RYR3: variants seen among roughly 807,000 people sequenced by gnomAD.
RYR3 encodes the protein brain ryanodine receptor-calcium release channel.
In RYR3, 207 loss-of-function variants were observed where a neutral mutation model predicts 584.3. The observed-to-expected ratio is 0.35, with a 90% CI of 0.32 to 0.40. The LOEUF (loss-of-function observed/expected upper bound fraction) is 0.40, where lower values mean the gene tolerates loss of function less well. Ranked by LOEUF, RYR3 falls within the 10% of genes least tolerant of loss-of-function variation. The probability of loss-of-function intolerance (pLI) is 1.00; values close to 1 mark genes in which losing one functional copy is unlikely to be tolerated. For synonymous variants in RYR3, 2,416 were observed against 2,248.5 expected, an observed-to-expected ratio of 1.07 and a Z score of -2.11; for missense variants, 5,616 against 6,089.2, an observed-to-expected ratio of 0.92 and a Z score of 2.59.
chr15:33,831,923 G>A (rs1181107756), intron 86 of RYR3, among the ~76,000 whole-genome samples: 1 of 152,200 alleles, frequency 6.6e-6, no homozygotes, highest in East Asian at 1.9e-4. Flanking sequence ...AAGAAGCACA[G>A]TATATTGCCT....
At chr15:33,340,093 C>G (rs528287521) in intron 1 of RYR3, among the ~76,000 whole-genome samples, 7 of 152,304 alleles carry the variant, frequency 4.6e-5, no homozygotes, top group African/African-American at 1.7e-4. Context: ...GCCTGCTTCT[C>G]CTCCAAGGAC....
intron 20 of RYR3, among the ~76,000 whole-genome samples, chr15:33,624,751 G>A (rs1274462986): frequency 6.6e-6 from 1 of 152,162 alleles, no homozygotes; most frequent in Non-Finnish European, 1.5e-5. Flanking sequence ...GCATGCAAGA[G>A]CTTTCAGCAT....
Position 33,425,836 on chromosome 15 carries a change from G to A in RYR3, c.52-47583G>A, listed in dbSNP as rs1170235925. On this transcript the variant is annotated intron_variant, in intron 1 of 103. Coordinates refer to ENST00000634891, the MANE Select transcript of RYR3 (RefSeq NM_001036.6). ...TTTTTGTATTTTTAGTAGAGACGGG[G>A]TTTCACCGTGTTAGCCAGGATGGTC... is the stretch of plus-strand genomic sequence containing the variant. Among the ~76,000 whole-genome samples, 7 of 151,988 alleles carry A rather than the reference G, an allele frequency of 4.6e-5. No individual in the cohort carries two copies. The South Asian group carries it at 1.0e-3, about 23-fold the overall frequency.
At position 33,859,608 on chromosome 15, in the gene RYR3, G is replaced by A; in HGVS notation, c.14176G>A (p.Ala4726Thr). The A allele has an allele frequency of 6.2e-7, 1 of 1,614,042 alleles. No homozygotes were observed. Among genetic ancestry groups the A allele is most frequent in the East Asian group, 2.2e-5 (1 of 44,888 alleles). ...YLFHMYVGVR[A>T]GGGIGDEIED... ...TTTCCACATGTACGTGGGAGTGAGA[G>A]CAGGAGGTGGCATTGGTGATGAAAT... The change falls in exon 100 of 104, where the codon GCA (alanine) becomes ACA (threonine). Residue 4726 changes from alanine (A) to threonine (T), a missense_variant. This residue lies in a region of RYR3 where 918 missense variants were observed against 887.4 expected (regional missense o/e 1.03). Transcript: ENST00000634891.
intron 1 of RYR3, among the ~76,000 whole-genome samples, chr15:33,331,043 TTTGG>T (rs1013030536): frequency 1.2e-4 from 19 of 152,272 alleles, no homozygotes; most frequent in African/African-American, 2.2e-4. Flanking sequence ...TGTTTGTTTG[TTTGG>T]TTGGTTGGTT....
intron 1 of RYR3, among the ~76,000 whole-genome samples, chr15:33,470,288 A>T (rs1330213377): frequency 1.3e-5 from 2 of 152,058 alleles, no homozygotes; most frequent in African/African-American, 4.8e-5. Flanking sequence ...TCTTTTAAAG[A>T]TGGGAGGTAT....
At chr15:33,603,593 A>G (rs1476070031) in intron 18 of RYR3, among the ~76,000 whole-genome samples, 2 of 152,200 alleles carry the variant, frequency 1.3e-5, no homozygotes, top group Non-Finnish European at 2.9e-5. Flanking sequence ...TCTCAAGCTC[A>G]TTGTATCTGT....
rs557602118 is a variant in RYR3 at position 33,662,461 on chromosome 15, C to T, written c.4931C>T (p.Pro1644Leu). The T allele has an allele frequency of 1.1e-5, 17 of 1,613,996 alleles. No individual in the cohort carries two copies. The Middle Eastern group carries it at 6.6e-4, about 63-fold the overall frequency. The change falls in exon 35 of 104, where the codon CCG becomes CTG. Residue 1644 changes from proline (P) to leucine (L), a missense_variant. By Grantham distance (98) the Pro-to-Leu change is moderately conservative. Transcript: ENST00000634891. ...ACCACCAGGAATATCCGCCTCTTCC[C>T]GGACGAGTCCAAGAGGCATGGACTG... ...TSTTRNIRLF[P>L]DESKRHGLPG...
intron 1 of RYR3, among the ~76,000 whole-genome samples, chr15:33,427,566 A>T (rs1314319125): frequency 1.3e-5 from 2 of 151,976 alleles, no homozygotes; most frequent in East Asian, 3.9e-4. Flanking sequence ...TTTGAAAAAT[A>T]CTTTTTGGGA....
chr15:33,837,126 G>A (rs1240244059), intron 88 of RYR3, 139 bp downstream of exon 88: 25 of 650,476 alleles, frequency 3.8e-5, no homozygotes, highest in South Asian at 1.6e-4. Flanking sequence ...TTTCAGAAAC[G>A]AAAAATAAAA....
At chr15:33,402,109 G>A (rs1425444029) in intron 1 of RYR3, among the ~76,000 whole-genome samples, 1 of 152,084 alleles carries the variant, frequency 6.6e-6, no homozygotes, top group African/African-American at 2.4e-5. Context: ...TGATTTGGGG[G>A]AAAGGAAATA....
At chr15:33,492,464 CAA>C (rs61324117) in intron 2 of RYR3, among the ~76,000 whole-genome samples, 7 of 145,568 alleles carry the variant, frequency 4.8e-5, no homozygotes, top group Admixed American at 2.1e-4. Context: ...TCTCTCAAAG[CAA>C]AAAAAAAAAA....
chr15:33,485,208 G>C (rs2050305780), intron 2 of RYR3, among the ~76,000 whole-genome samples: 1 of 152,188 alleles, frequency 6.6e-6, no homozygotes, highest in South Asian at 2.1e-4. Flanking sequence ...GTGACATGGA[G>C]GCCAGTGACA....
chr15:33,429,967 C>T (rs1298083724), intron 1 of RYR3, among the ~76,000 whole-genome samples: 2 of 152,336 alleles, frequency 1.3e-5, no homozygotes, highest in South Asian at 2.1e-4. Flanking sequence ...GCCAGCCAGT[C>T]GTCTAGGGCC....
In RYR3 at chr15:33,724,080, T is replaced by A. The variant is rs370902899; in HGVS notation, c.6816T>A (p.Asp2272Glu). ...GYKREVSTGD[D>E]EEEEEIVHMG... Reference sequence around the variant, plus strand: ...GTTCTCTCAGCAGCACGGGGGACGATGAAGAGGAAGAAGAAATCGTGCATA... The same window carrying A: ...GTTCTCTCAGCAGCACGGGGGACGAAGAAGAGGAAGAAGAAATCGTGCATA... The change falls in exon 45 of 104, where the codon GAT becomes GAA. Residue 2272 changes from aspartate to glutamate, a missense_variant. Coordinates refer to ENST00000634891, the MANE Select transcript of RYR3 (RefSeq NM_001036.6). 4.4e-6 allele frequency: 7 copies of A among 1,608,498 alleles called. No homozygotes were observed. Among genetic ancestry groups the A allele is most frequent in the Non-Finnish European group, 6.0e-6 (7 of 1,175,034 alleles).
At chr15:33,665,923 C>G (rs74005944) in intron 36 of RYR3, among the ~76,000 whole-genome samples, 14,357 of 152,260 alleles carry the variant, frequency 0.094, 896 homozygotes, top group African/African-American at 0.18. Context: ...AAATTCTTCA[C>G]TAATGTATTA....
intron 1 of RYR3, among the ~76,000 whole-genome samples, chr15:33,320,381 G>C (rs916240422): frequency 6.6e-6 from 1 of 152,184 alleles, no homozygotes; most frequent in African/African-American, 2.4e-5. Flanking sequence ...TAGACATCAT[G>C]AAATCTAAAG....
chr15:33,476,490 G>A (rs1284610386), intron 2 of RYR3, among the ~76,000 whole-genome samples: 1 of 152,086 alleles, frequency 6.6e-6, no homozygotes, highest in Non-Finnish European at 1.5e-5. Flanking sequence ...CTTTGCCCAC[G>A]TGTACCTGTC....
chr15:33,647,387 A>G (rs771069389), intron 29 of RYR3, 37 bp from the exon 30 acceptor site: 1 of 1,571,972 alleles, frequency 6.4e-7, no homozygotes, highest in South Asian at 1.1e-5. Flanking sequence ...TTCTCAATAC[A>G]GCTGAATAAC....
Sources: gnomAD v4.1 joint callset for allele counts (sites outside exome capture counted in the v4.1 genomes callset) on GRCh38, gnomAD v4.1.1 for gene constraint, gnomAD v4.1.1 regional missense constraint, MANE v1.5 for transcripts, NCBI Gene and HGNC (gene_info 2026-07-23, HGNC 2026-07-21) for gene names.